The following METTL2B variants were observed in gnomAD, a reference collection of about 807,000 sequenced individuals.
METTL2B encodes methyltransferase 2B, tRNA N3-cytidine.
Under a neutral mutation model 51.0 loss-of-function variants are expected in METTL2B, and 28 were observed. That is an observed-to-expected ratio of 0.55 (90% CI 0.41 to 0.75). The LOEUF is 0.75. METTL2B is among the 30% of genes least tolerant of loss of function. The pLI is 0.00. For missense variants in METTL2B, 313 were observed against 460.7 expected (o/e 0.68, Z 2.93); for synonymous variants, 128 against 166.3 (o/e 0.77, Z 1.77).
Position 128,502,665 on chromosome 7 carries a change from G to A in METTL2B, c.*749G>A, listed in dbSNP as rs753476390. 11 of 445,402 alleles carry A rather than the reference G, an allele frequency of 2.5e-5. No individual in the cohort carries two copies. The highest frequency in any genetic ancestry group is 7.0e-4 in the Middle Eastern group (1 of 1,422). The allele number at this position is 445,402 out of a possible 1,614,324, so 27.6% of individuals were successfully genotyped here. On this transcript the variant is annotated 3_prime_UTR_variant, in exon 9 of 9. Transcript: ENST00000262432. ...TGTAATCCCAGCACTTTGGGAGGCC[G>A]AGGCGGGCAGATCACCTGAGGTCAG... is the stretch of plus-strand genomic sequence containing the variant.
chr7:128,479,113 A>G (rs755979034), intron 2 of METTL2B, 45 bp from the exon 3 acceptor site: 1 of 1,544,000 alleles, frequency 6.5e-7, no homozygotes, highest in South Asian at 1.2e-5. Flanking sequence ...TATAAATAAA[A>G]TATTTGAGAG....
At position 128,498,049 on chromosome 7, in the gene METTL2B, A is replaced by G. The variant is rs369463525; in HGVS notation, c.823A>G (p.Ile275Val). The change falls in exon 7 of 9, where the codon ATC becomes GTC. Residue 275 changes from isoleucine to valine, a missense_variant. By Grantham distance (29) the Ile-to-Val change is conservative (BLOSUM62 3). Coordinates refer to ENST00000262432, the MANE Select transcript of METTL2B (RefSeq NM_018396.3). ...AVVPDKMQKA[I>V]NRLSRLLKPG... is the part of the protein sequence containing the mutation. ...GTGTCTCCACAGGATGCAGAAGGCT[A>G]TCAACAGGCTGAGCAGGCTTCTGAA... 7 of 1,613,490 alleles carry G rather than the reference A, an allele frequency of 4.3e-6. No homozygotes were observed. The highest frequency in any genetic ancestry group is 4.2e-6 in the Non-Finnish European group (5 of 1,179,676).
intron 4 of METTL2B, among the ~76,000 whole-genome samples, chr7:128,484,493 G>C (rs1792663342): frequency 6.6e-6 from 1 of 151,766 alleles, no homozygotes; most frequent in Non-Finnish European, 1.5e-5. Flanking sequence ...CATTTCTCAG[G>C]CTAATGTATT....
intron 4 of METTL2B, among the ~76,000 whole-genome samples, chr7:128,482,489 GC>G (rs1432554006): frequency 6.6e-6 from 1 of 151,938 alleles, no homozygotes; most frequent in African/African-American, 2.4e-5. Flanking sequence ...GGAACTCTGT[GC>G]CTGGAACCAC....
In METTL2B at chr7:128,501,903, C is replaced by T. The variant is rs753496451; in HGVS notation, c.1124C>T (p.Ser375Phe). The part of the protein sequence containing the change: ...IQCKYCKPLL[S>F]STS ...TGCAAATACTGCAAGCCCCTTCTGT[C>T]CAGCACCAGCTAAGAGGCACCTGCT... Residue 375 changes from serine to phenylalanine, a missense_variant, in exon 9 of 9, where the codon TCC (serine) becomes TTC (phenylalanine). Around this residue, in one of 4 missense-constraint regions of METTL2B, gnomAD observed 138 missense variants for 187.6 expected, o/e 0.74. Coordinates refer to ENST00000262432, the MANE Select transcript of METTL2B (RefSeq NM_018396.3). The T allele has an allele frequency of 6.2e-7, 1 of 1,614,084 alleles. No homozygotes were observed. Among genetic ancestry groups the T allele is most frequent in the Non-Finnish European group, 8.5e-7 (1 of 1,180,010 alleles).
chr7:128,477,644 C>T (rs1799819698), intron 2 of METTL2B, among the ~76,000 whole-genome samples: 1 of 151,668 alleles, frequency 6.6e-6, no homozygotes, highest in Non-Finnish European at 1.5e-5. Flanking sequence ...GAATTTAGGG[C>T]TTCAGTCAAG....
At position 128,493,790 on chromosome 7, in the gene METTL2B, C is replaced by T; in HGVS notation, c.670-14C>T. The T allele has an allele frequency of 6.3e-7, 1 of 1,597,990 alleles. No individual in the cohort carries two copies. The highest frequency in any genetic ancestry group is 2.2e-5 in the East Asian group (1 of 44,522). ...ATATTTTCTAACTTACTTGTCTCTTCCACCTGTCTGCAGACAAATTCAGAA... is the reference window on the plus strand; with the variant it reads ...ATATTTTCTAACTTACTTGTCTCTTTCACCTGTCTGCAGACAAATTCAGAA... On this transcript the variant is annotated splice_polypyrimidine_tract_variant and intron_variant, in intron 5 of 8. Transcript: ENST00000262432.
rs554811137 is a variant in METTL2B, at chr7:128,480,249, G to A, written c.559-398G>A. On this transcript the variant is annotated intron_variant, in intron 3 of 8. Transcript: ENST00000262432. ...AAATAGTTGCTGTCTTCATTACCAC[G>A]CAGCACTGTGTTTAGGACAAGGTTG... Among the ~76,000 whole-genome samples the A allele has an allele frequency of 5.3e-5, 8 of 152,270 alleles. No individual in the cohort carries two copies. In the South Asian group the frequency reaches 1.4e-3, roughly 28 times the overall value.
rs935291675 is a variant in METTL2B, at chr7:128,506,477, G to C, written c.*4561G>C. 6.6e-6 allele frequency: 1 copy of C among 152,064 alleles called. No homozygotes were observed. The highest frequency in any genetic ancestry group is 2.4e-5 in the African/African-American group (1 of 41,402). 9.4% of individuals were successfully genotyped at this position (152,064 alleles called of 1,614,324 possible). ...CTCAGGCCAAATTTGACTCTGTAAG[G>C]GACTTTGCATAACGTTTCATCCTCA... On this transcript the variant is annotated 3_prime_UTR_variant, in exon 9 of 9. Transcript: ENST00000262432.
intron 7 of METTL2B, among the ~76,000 whole-genome samples, chr7:128,498,713 A>C (rs1211912340): frequency 6.6e-6 from 1 of 152,208 alleles, no homozygotes; most frequent in African/African-American, 2.4e-5. Context: ...GACATTTGAA[A>C]GACAGCCGGG....
Position 128,493,743 on chromosome 7 carries a change from A to G in METTL2B, c.670-61A>G, listed in dbSNP as rs150824747. Reference sequence around the variant, plus strand: ...TACATTTAAAATTTAAAACAAGATAATCTTTTCTTTGGGCTATGTTAATAT... The same window carrying G: ...TACATTTAAAATTTAAAACAAGATAGTCTTTTCTTTGGGCTATGTTAATAT... On this transcript the variant is annotated intron_variant, in intron 5 of 8. Transcript: ENST00000262432. 2.5e-4 allele frequency: 377 copies of G among 1,537,174 alleles called. 5 individuals carry two copies. The East Asian group carries it at 8.6e-3, about 35-fold the overall frequency.
rs1293068670 is a variant in METTL2B at position 128,477,372 on chromosome 7, GT to G, written c.202+206del. On this transcript the variant is annotated intron_variant, in intron 2 of 8. Coordinates refer to ENST00000262432, the MANE Select transcript of METTL2B (RefSeq NM_018396.3). ...GTAACAAAATCTTAAGTCGTAGAGG[GT>G]TTTTTTAATATATAGTTTTACTTTG... is the stretch of plus-strand genomic sequence containing the variant. Among the ~76,000 whole-genome samples, 2 of 152,088 alleles carry G rather than the reference GT, an allele frequency of 1.3e-5. 1 individual carries two copies. Among genetic ancestry groups the G allele is most frequent in the Middle Eastern group, 6.3e-3 (2 of 316 alleles).
intron 4 of METTL2B, among the ~76,000 whole-genome samples, chr7:128,481,106 G>A (rs1366450260): frequency 6.6e-6 from 1 of 152,200 alleles, no homozygotes; most frequent in Non-Finnish European, 1.5e-5. Context: ...CAGTGGCTGA[G>A]TTGTCATTAC....
chr7:128,496,103 G>C (rs895791144), intron 6 of METTL2B, among the ~76,000 whole-genome samples: 2 of 152,180 alleles, frequency 1.3e-5, no homozygotes, highest in African/African-American at 4.8e-5. Flanking sequence ...GGCTGCACAG[G>C]ATAGGAGCTT....
At chr7:128,486,624 TGAA>T (rs928976038) in intron 4 of METTL2B, among the ~76,000 whole-genome samples, 3 of 149,820 alleles carry the variant, frequency 2.0e-5, no homozygotes, top group Admixed American at 1.3e-4. Flanking sequence ...AAGAAAAACA[TGAA>T]GAAGAAAACA....
rs1289029679 is a variant in METTL2B at position 128,502,418 on chromosome 7, G to C, written c.*502G>C. The C allele has an allele frequency of 3.3e-6, 1 of 303,118 alleles. No homozygotes were observed. The highest frequency in any genetic ancestry group is 2.3e-5 in the African/African-American group (1 of 43,160). The allele number at this position is 303,118 out of a possible 1,614,324, so 18.8% of individuals were successfully genotyped here. ...ATTGTAATTGCGTTAAATCTTTTGAGAGTGTAAATGCCGGGCTAGGCAATT... is the reference window on the plus strand; with the variant it reads ...ATTGTAATTGCGTTAAATCTTTTGACAGTGTAAATGCCGGGCTAGGCAATT... On this transcript the variant is annotated 3_prime_UTR_variant, in exon 9 of 9. Transcript: ENST00000262432.
chr7:128,498,891 G>T (rs1164963350), intron 7 of METTL2B, among the ~76,000 whole-genome samples: 1 of 151,976 alleles, frequency 6.6e-6, no homozygotes, highest in Non-Finnish European at 1.5e-5. Context: ...CAGCTACTCG[G>T]GAGGCTGAGG....
intron 8 of METTL2B, 162 bp downstream of exon 8, chr7:128,501,130 A>G: frequency 4.1e-6 from 4 of 985,366 alleles, no homozygotes; most frequent in Non-Finnish European, 4.8e-6. Flanking sequence ...TAGGCTACCC[A>G]TGGCAGCCAG....
intron 5 of METTL2B, 41 bp downstream of exon 5, chr7:128,488,202 AT>A (rs1792754805): frequency 6.2e-7 from 1 of 1,601,412 alleles, no homozygotes; most frequent in African/African-American, 1.3e-5. Context: ...ATTTCCACTG[AT>A]TAAAGGGAAA....
Sources: gnomAD v4.1 joint callset for allele counts (sites outside exome capture counted in the v4.1 genomes callset) on GRCh38, gnomAD v4.1.1 for gene constraint, gnomAD v4.1.1 regional missense constraint, MANE v1.5 for transcripts, NCBI Gene and HGNC (gene_info 2026-07-23, HGNC 2026-07-21) for gene names.